Variants in PARD3B observed in about 807,000 individuals in gnomAD.
The protein encoded by PARD3B is par-3 family cell polarity regulator beta, also known as partitioning defective 3 homolog B.
PARD3B carries 103 observed loss-of-function variants against 130.2 expected under a neutral mutation model. That is an observed-to-expected ratio of 0.79 (90% CI 0.67 to 0.93). PARD3B has a LOEUF of 0.93. Ranked by LOEUF, PARD3B falls within the 40% of genes least tolerant of loss-of-function variation. The probability of loss-of-function intolerance (pLI) is 0.00; values close to 1 mark genes in which losing one functional copy is unlikely to be tolerated. For synonymous variants in PARD3B, 583 were observed against 553.2 expected, an observed-to-expected ratio of 1.05 and a Z score of -0.76; for missense variants, 1,609 against 1,499.2, an observed-to-expected ratio of 1.07 and a Z score of -1.21.
In PARD3B at chr2:204,798,850, C is replaced by T. The variant is rs73066636; in HGVS notation, c.222+112568C>T. Reference sequence around the variant, plus strand: ...CTGGCAAGATGCATCATTAAGGAGCCGTTGGTCCTTGAATAAATGTCAGCT... The same window carrying T: ...CTGGCAAGATGCATCATTAAGGAGCTGTTGGTCCTTGAATAAATGTCAGCT... On this transcript the variant is annotated intron_variant, in intron 2 of 22. Coordinates refer to ENST00000406610, the MANE Select transcript of PARD3B (RefSeq NM_001302769.2). Among the ~76,000 whole-genome samples, 799 of 152,112 alleles carry T rather than the reference C, an allele frequency of 5.3e-3. 7 individuals carry two copies. The highest frequency in any genetic ancestry group is 0.018 in the African/African-American group (733 of 41,504).
At chr2:204,936,515 G>A (rs1298888275) in intron 2 of PARD3B, among the ~76,000 whole-genome samples, 1 of 152,106 alleles carries the variant, frequency 6.6e-6, no homozygotes, top group Admixed American at 6.5e-5. Context: ...AGGATGGCAA[G>A]TACTGCTTAT....
At chr2:204,832,336 T>C (rs187835961) in intron 2 of PARD3B, among the ~76,000 whole-genome samples, 71 of 152,350 alleles carry the variant, frequency 4.7e-4, no homozygotes, top group African/African-American at 1.7e-3. Flanking sequence ...CTTGCTTTTC[T>C]GTTTAAAATC....
At chr2:205,273,857 TTA>T (rs2040837040) in intron 16 of PARD3B, among the ~76,000 whole-genome samples, 2 of 152,180 alleles carry the variant, frequency 1.3e-5, no homozygotes, top group Admixed American at 1.3e-4. Context: ...CTTTTGTAAG[TTA>T]TCTATGATCT....
At chr2:204,999,201 A>G (rs1694624100) in intron 3 of PARD3B, among the ~76,000 whole-genome samples, 1 of 151,786 alleles carries the variant, frequency 6.6e-6, no homozygotes, top group South Asian at 2.1e-4. Context: ...CTTCTTTTCA[A>G]CCCTAAAATC....
At chr2:204,553,044 TCAAA>T (rs2030580880) in intron 1 of PARD3B, among the ~76,000 whole-genome samples, 1 of 151,748 alleles carries the variant, frequency 6.6e-6, no homozygotes, top group African/African-American at 2.4e-5. Flanking sequence ...TACAATGAAC[TCAAA>T]CAAATTAGCA....
intron 2 of PARD3B, among the ~76,000 whole-genome samples, chr2:204,714,782 AC>A (rs1203978006): frequency 6.6e-6 from 1 of 152,148 alleles, no homozygotes; most frequent in Non-Finnish European, 1.5e-5. Flanking sequence ...CCCAGAATGA[AC>A]CCATGGCAAG....
chr2:204,692,779 T>G (rs1390442835), intron 2 of PARD3B, among the ~76,000 whole-genome samples: 1 of 152,008 alleles, frequency 6.6e-6, no homozygotes, highest in East Asian at 1.9e-4. Context: ...GGTCATGAAA[T>G]TTTAGCTCAG....
chr2:205,212,339 A>T (rs1010454780), intron 15 of PARD3B, among the ~76,000 whole-genome samples: 4 of 152,118 alleles, frequency 2.6e-5, no homozygotes, highest in Non-Finnish European at 4.4e-5. Context: ...AGGCTTCAAG[A>T]ATCTTCAGGA....
intron 1 of PARD3B, among the ~76,000 whole-genome samples, chr2:204,665,995 A>G (rs1574648425): frequency 6.6e-6 from 1 of 152,282 alleles, no homozygotes; most frequent in South Asian, 2.1e-4. Context: ...TCCTTCTTGA[A>G]CTTACTCTGG....
chr2:204,785,826 A>C (rs1319061468), intron 2 of PARD3B, among the ~76,000 whole-genome samples: 2 of 152,230 alleles, frequency 1.3e-5, no homozygotes, highest in Non-Finnish European at 2.9e-5. Context: ...TTCAAATATC[A>C]AAATGGGTTG....
chr2:205,157,234 A>G (rs965898085), intron 10 of PARD3B, among the ~76,000 whole-genome samples: 2 of 152,230 alleles, frequency 1.3e-5, no homozygotes, highest in Admixed American at 1.3e-4. Context: ...ATTTTGAAAG[A>G]CAAAGGTGAA....
In PARD3B at chr2:205,309,128, G is replaced by A. The variant is rs144373809; in HGVS notation, c.2630+7427G>A. On this transcript the variant is annotated intron_variant, in intron 18 of 22. Coordinates refer to ENST00000406610, the MANE Select transcript of PARD3B (RefSeq NM_001302769.2). The surrounding 1 kb of genome is among the most constrained non-coding windows in gnomAD (Gnocchi z 4.7). ...TATTTTTAAACCAACTCCACATAGA[G>A]CTATAACAAAAAACTAACCCAAACT... Among the ~76,000 whole-genome samples, 9 of 152,254 alleles carry A rather than the reference G, an allele frequency of 5.9e-5. No homozygotes were observed. Among genetic ancestry groups the A allele is most frequent in the African/African-American group, 1.9e-4 (8 of 41,554 alleles).
intron 2 of PARD3B, among the ~76,000 whole-genome samples, chr2:204,723,445 A>G (rs2039084308): frequency 6.6e-6 from 1 of 152,162 alleles, no homozygotes; most frequent in Non-Finnish European, 1.5e-5. Flanking sequence ...CCAAAGAACA[A>G]AAAGTAAGAT....
intron 19 of PARD3B, among the ~76,000 whole-genome samples, chr2:205,415,410 T>C (rs1376128944): frequency 1.3e-5 from 2 of 152,154 alleles, no homozygotes; most frequent in Admixed American, 1.3e-4. Context: ...TACAAAATGT[T>C]AAGAAATGGG....
At chr2:204,855,876 G>A (rs1353030927) in intron 2 of PARD3B, among the ~76,000 whole-genome samples, 3 of 152,020 alleles carry the variant, frequency 2.0e-5, no homozygotes, top group African/African-American at 7.2e-5. Flanking sequence ...CCCAAAGGAT[G>A]GAATTTTTCT....
chr2:205,360,316 G>A (rs758243385), intron 18 of PARD3B, among the ~76,000 whole-genome samples: 2 of 151,720 alleles, frequency 1.3e-5, no homozygotes, highest in Non-Finnish European at 2.9e-5. Context: ...TTTTTCAGTG[G>A]TGTACCTCAT....
intron 2 of PARD3B, among the ~76,000 whole-genome samples, chr2:204,735,349 A>G (rs906697112): frequency 5.3e-5 from 8 of 152,004 alleles, no homozygotes; most frequent in Non-Finnish European, 1.0e-4. Context: ...CCCCCATGAA[A>G]TGTTCTTGTT....
intron 2 of PARD3B, among the ~76,000 whole-genome samples, chr2:204,925,875 T>G (rs1024342258): frequency 6.6e-6 from 1 of 151,958 alleles, no homozygotes; most frequent in African/African-American, 2.4e-5. Context: ...AATGAGTGAA[T>G]TCTCATGAGA....
chr2:204,798,098 A>G (rs1322575177), intron 2 of PARD3B, among the ~76,000 whole-genome samples: 3 of 152,178 alleles, frequency 2.0e-5, no homozygotes, highest in South Asian at 4.1e-4. Flanking sequence ...CAGGCGAGCA[A>G]TCCCACTATT....
Sources: allele counts gnomAD v4.1 joint callset (sites outside exome capture counted in the v4.1 genomes callset), GRCh38; gene constraint gnomAD v4.1.1; non-coding constraint Gnocchi (gnomAD v3.1); transcripts MANE v1.5; gene names NCBI Gene and HGNC (gene_info 2026-07-23, HGNC 2026-07-21).